Variants in CDKL3 observed in about 807,000 individuals in gnomAD.
CDKL3 encodes cyclin dependent kinase like 3.
Under a neutral mutation model 69.3 loss-of-function variants are expected in CDKL3, and 65 were observed. The observed-to-expected ratio is 0.94, with a 90% CI of 0.77 to 1.15. The LOEUF is 1.15. Among genes scored for constraint, CDKL3 ranks in the 50% most tolerant of loss-of-function variants. CDKL3 has a pLI of 0.00. For synonymous variants in CDKL3, 202 were observed against 221.6 expected (o/e 0.91, Z 0.79); for missense variants, 652 against 689.2 (o/e 0.95, Z 0.61).
chr5:134,326,952 T>C (rs1419993405), intron 4 of CDKL3, among the ~76,000 whole-genome samples: 3 of 150,848 alleles, frequency 2.0e-5, no homozygotes, highest in Non-Finnish European at 2.9e-5. Context: ...CAATTCAGTA[T>C]AAGAAAGATG....
chr5:134,299,393 G>T, intron 12 of CDKL3: 1 of 666,798 alleles, frequency 1.5e-6, no homozygotes, highest in Non-Finnish European at 2.0e-6. Context: ...CACTCATCAA[G>T]TATGATTGAA....
chr5:134,325,128 T>C lies in CDKL3; in HGVS notation c.540-3225A>G, dbSNP rs570018437. 2.6e-5 allele frequency among the ~76,000 whole-genome samples: 4 copies of C among 152,232 alleles called. No individual in the cohort carries two copies. In the South Asian group the frequency reaches 6.2e-4, roughly 24 times the overall value. Reference sequence around the variant, plus strand: ...GGGAAATCAAAGCTGCAGTGAGCCATGAGTATGCCACTGTACTTCAGCCTG... The same window carrying C: ...GGGAAATCAAAGCTGCAGTGAGCCACGAGTATGCCACTGTACTTCAGCCTG... On this transcript the variant is annotated intron_variant, in intron 4 of 12. Transcript: ENST00000265334.
chr5:134,347,522 G>A (rs1752206989), intron 4 of CDKL3, among the ~76,000 whole-genome samples: 1 of 151,706 alleles, frequency 6.6e-6, no homozygotes, highest in African/African-American at 2.4e-5. Flanking sequence ...TTGATGAATG[G>A]GTAAATAAAA....
chr5:134,371,383 T>G, upstream of CDKL3: 1 of 675,556 alleles, frequency 1.5e-6, no homozygotes, highest in Non-Finnish European at 2.5e-6. Context: ...CGCCCCCTCC[T>G]CCCCCAGCAC....
At chr5:134,345,350 G>C (rs549544225) in intron 4 of CDKL3, among the ~76,000 whole-genome samples, 1 of 152,284 alleles carries the variant, frequency 6.6e-6, no homozygotes, top group African/African-American at 2.4e-5. Flanking sequence ...GCAACAACAT[G>C]TGAAAAATGA....
intron 4 of CDKL3, among the ~76,000 whole-genome samples, chr5:134,348,589 G>A (rs1041596919): frequency 2.7e-5 from 4 of 150,160 alleles, no homozygotes; most frequent in Admixed American, 6.7e-5. Flanking sequence ...AAAAAAAAAA[G>A]AGCTAGAGAA....
intron 2 of CDKL3, among the ~76,000 whole-genome samples, chr5:134,363,517 G>C (rs1486907178): frequency 6.8e-6 from 1 of 146,542 alleles, no homozygotes; most frequent in Non-Finnish European, 1.5e-5. Flanking sequence ...CTGGAGTGCA[G>C]TGGCGCAATC....
At chr5:134,300,175 C>T (rs1765970705) in intron 12 of CDKL3, among the ~76,000 whole-genome samples, 1 of 152,024 alleles carries the variant, frequency 6.6e-6, no homozygotes, top group Non-Finnish European at 1.5e-5. Context: ...CCCGTCTCTA[C>T]TCAAAATACA....
At chr5:134,297,965 C>T (rs1490698062), downstream of CDKL3, among the ~76,000 whole-genome samples, 5 of 146,472 alleles carry the variant, frequency 3.4e-5, no homozygotes, top group Non-Finnish European at 7.4e-5. Context: ...CAGAGCCTCA[C>T]TCTTATCTCC....
intron 4 of CDKL3, among the ~76,000 whole-genome samples, chr5:134,339,737 T>C (rs1749982596): frequency 6.6e-6 from 1 of 152,256 alleles, no homozygotes; most frequent in African/African-American, 2.4e-5. Context: ...CTTATTACAA[T>C]GGAATAAAAT....
chr5:134,366,254 T>A, intron 2 of CDKL3, 105 bp downstream of exon 2: 1 of 739,392 alleles, frequency 1.4e-6, no homozygotes, highest in Non-Finnish European at 2.1e-6. Context: ...CACTTGTTTC[T>A]CCATAATATG....
intron 4 of CDKL3, 57 bp downstream of exon 4, chr5:134,350,192 A>G: frequency 2.9e-6 from 4 of 1,382,632 alleles, no homozygotes; most frequent in Non-Finnish European, 2.9e-6. Context: ...CATCTCAAAA[A>G]ATAAACAAAA....
rs143698715 is a variant in CDKL3, at chr5:134,338,012, A to G, written c.539+12237T>C. Among the ~76,000 whole-genome samples the G allele has an allele frequency of 1.2e-3, 177 of 152,336 alleles. 5 individuals are homozygous for G. In the East Asian group the frequency reaches 0.033, roughly 29 times the overall value. On this transcript the variant is annotated intron_variant, in intron 4 of 12. Transcript: ENST00000265334. ...TTGAAGACCCCTCATACAAAATAAT[A>G]TGCAAGCCATTAGAGCTGCCTCTAC...
At chr5:134,295,792 G>A (rs1561486179), downstream of CDKL3, among the ~76,000 whole-genome samples, 3 of 152,082 alleles carry the variant, frequency 2.0e-5, no homozygotes, top group South Asian at 6.2e-4. Flanking sequence ...CAGAATTTTG[G>A]TAGTGCTGGG....
At chr5:134,290,382 T>TTTGTC (rs1765079405) in intron 8 of CDKL3, among the ~76,000 whole-genome samples, 1 of 134,096 alleles carries the variant, frequency 7.5e-6, no homozygotes, top group East Asian at 2.2e-4. Flanking sequence ...AAAAAAAGGG[T>TTTGTC]TTGTCTTGAA....
At chr5:134,284,596 C>T (rs1764773890), downstream of CDKL3, among the ~76,000 whole-genome samples, 1 of 152,152 alleles carries the variant, frequency 6.6e-6, no homozygotes, top group Non-Finnish European at 1.5e-5. Flanking sequence ...TTTCCTAATC[C>T]TAGCAAGCCT....
At chr5:134,304,062 A>G (rs1767091463) in intron 11 of CDKL3, among the ~76,000 whole-genome samples, 1 of 151,758 alleles carries the variant, frequency 6.6e-6, no homozygotes, top group Non-Finnish European at 1.5e-5. Flanking sequence ...CCTCTGGAGT[A>G]GCTGGGACTA....
At chr5:134,292,798 A>G (rs374619875) in intron 8 of CDKL3, among the ~76,000 whole-genome samples, 3 of 152,150 alleles carry the variant, frequency 2.0e-5, no homozygotes, top group African/African-American at 7.2e-5. Context: ...ATGATAACAA[A>G]GGAAAATATT....
chr5:134,336,382 G>A (rs970200300), intron 4 of CDKL3, among the ~76,000 whole-genome samples: 2 of 152,186 alleles, frequency 1.3e-5, no homozygotes, highest in African/African-American at 4.8e-5. Context: ...GAGGAGTTGT[G>A]TTCCTTTGGA....
Sources: gnomAD v4.1 joint callset for allele counts (sites outside exome capture counted in the v4.1 genomes callset) on GRCh38, gnomAD v4.1.1 for gene constraint, MANE v1.5 for transcripts, NCBI Gene and HGNC (gene_info 2026-07-23, HGNC 2026-07-21) for gene names.